The following R3HDM2 variants were observed in gnomAD, a reference collection of about 807,000 sequenced individuals.
The protein encoded by R3HDM2 is R3H domain containing 2.
In R3HDM2, 38 loss-of-function variants were observed where a neutral mutation model predicts 124.5. The ratio of observed to expected loss-of-function variants is 0.31; its 90% CI spans 0.24 to 0.40. The LOEUF (loss-of-function observed/expected upper bound fraction) is 0.40, where lower values mean the gene tolerates loss of function less well. Among genes scored for constraint, R3HDM2 ranks in the 10% least tolerant of loss-of-function variants. The pLI, the probability that R3HDM2 is intolerant of heterozygous loss-of-function variation, is 1.00. For synonymous variants in R3HDM2, 391 were observed against 448.0 expected (o/e 0.87, Z 1.61); for missense variants, 869 against 1,236.9 (o/e 0.70, Z 4.46).
chr12:57,388,130 A>G (rs1401263999), intron 2 of R3HDM2, among the ~76,000 whole-genome samples: 3 of 151,958 alleles, frequency 2.0e-5, no homozygotes, highest in African/African-American at 7.3e-5. Flanking sequence ...ATGCCTGGCT[A>G]ATTTTTGTAT....
chr12:57,282,485 G>C (rs1011474548), intron 13 of R3HDM2, among the ~76,000 whole-genome samples: 1 of 151,906 alleles, frequency 6.6e-6, no homozygotes, highest in Non-Finnish European at 1.5e-5. Context: ...GTTTTAGATT[G>C]GCAAACTGGC....
rs1197921529 is a variant in R3HDM2 at position 57,289,441 on chromosome 12, AAAC to A, written c.907-404_907-402del. ...AAGGGAAAAGGGAGACAAGAGAAAGAAACTTTGTTTTTGGAAATCATCCTCAAT... is the reference window on the plus strand; with the variant it reads ...AAGGGAAAAGGGAGACAAGAGAAAGATTTGTTTTTGGAAATCATCCTCAAT... On this transcript the variant is annotated intron_variant, in intron 11 of 23. Coordinates refer to ENST00000402412, the MANE Select transcript of R3HDM2 (RefSeq NM_001394031.1). Among the ~76,000 whole-genome samples, 7 of 152,364 alleles carry A rather than the reference AAAC, an allele frequency of 4.6e-5. No homozygotes were observed. In the South Asian group the frequency reaches 1.0e-3, roughly 23 times the overall value.
At chr12:57,360,684 G>A (rs1442445425) in intron 2 of R3HDM2, among the ~76,000 whole-genome samples, 1 of 151,360 alleles carries the variant, frequency 6.6e-6, no homozygotes, top group African/African-American at 2.4e-5. Context: ...AAAAGGAAAG[G>A]CGAAAGGAAA....
chr12:57,401,669 G>C (rs2068064262), intron 1 of R3HDM2, among the ~76,000 whole-genome samples: 1 of 152,224 alleles, frequency 6.6e-6, no homozygotes, highest in African/African-American at 2.4e-5. Flanking sequence ...ACTATGATGA[G>C]CTTGACAGTT....
chr12:57,372,988 C>T (rs773248801), intron 2 of R3HDM2, among the ~76,000 whole-genome samples: 6 of 152,198 alleles, frequency 3.9e-5, no homozygotes, highest in African/African-American at 9.7e-5. Flanking sequence ...GTGGGAGGAT[C>T]GCTTGAGGCC....
At chr12:57,297,266 C>A in intron 8 of R3HDM2, 62 bp downstream of exon 8, 1 of 907,040 alleles carries the variant, frequency 1.1e-6, no homozygotes, top group Middle Eastern at 2.2e-4. Flanking sequence ...TAAAATTGTA[C>A]CTAAATTTAT....
At chr12:57,261,284 G>A (rs1046374262) in intron 19 of R3HDM2, among the ~76,000 whole-genome samples, 5 of 152,080 alleles carry the variant, frequency 3.3e-5, no homozygotes, top group African/African-American at 1.2e-4. Context: ...TTTTCTAGAA[G>A]GTATTCAAAT....
chr12:57,422,521 C>T (rs2070314674), intron 1 of R3HDM2, among the ~76,000 whole-genome samples: 1 of 152,124 alleles, frequency 6.6e-6, no homozygotes, highest in Non-Finnish European at 1.5e-5. Flanking sequence ...TAGCTAACTC[C>T]CAGGTAGTTA....
chr12:57,303,526 T>C (rs1372419485), intron 3 of R3HDM2, among the ~76,000 whole-genome samples: 2 of 151,750 alleles, frequency 1.3e-5, no homozygotes, highest in East Asian at 3.9e-4. Flanking sequence ...GGCGGATCCC[T>C]TGAGCTCAGG....
At chr12:57,280,082 A>G (rs2045792116) in intron 14 of R3HDM2, among the ~76,000 whole-genome samples, 1 of 152,198 alleles carries the variant, frequency 6.6e-6, no homozygotes, top group Non-Finnish European at 1.5e-5. Context: ...TACAGTAGAA[A>G]TGTGGTATGA....
At chr12:57,358,482 C>CAA (rs1389860482) in intron 2 of R3HDM2, among the ~76,000 whole-genome samples, 28 of 151,570 alleles carry the variant, frequency 1.8e-4, no homozygotes, top group African/African-American at 6.5e-4. Flanking sequence ...ACCAAAAATA[C>CAA]AAAAAAATAA....
intron 2 of R3HDM2, among the ~76,000 whole-genome samples, chr12:57,369,130 C>T (rs910570761): frequency 1.3e-5 from 2 of 152,228 alleles, no homozygotes; most frequent in Admixed American, 1.3e-4. Flanking sequence ...CCATTTCCCA[C>T]TTCCAACCCC....
intron 1 of R3HDM2, among the ~76,000 whole-genome samples, chr12:57,396,167 C>T (rs939529234): frequency 3.3e-5 from 5 of 152,134 alleles, no homozygotes; most frequent in Non-Finnish European, 5.9e-5. Flanking sequence ...AGGCCGGGCG[C>T]GGTGGCTCAC....
At chr12:57,322,774 AC>A (rs1227584234) in intron 2 of R3HDM2, among the ~76,000 whole-genome samples, 8 of 152,278 alleles carry the variant, frequency 5.3e-5, no homozygotes, top group Admixed American at 2.6e-4. Context: ...TAGAATTCCA[AC>A]CTAGCTGTGT....
intron 1 of R3HDM2, among the ~76,000 whole-genome samples, chr12:57,400,111 T>G (rs1024698123): frequency 6.6e-6 from 1 of 152,214 alleles, no homozygotes; most frequent in Non-Finnish European, 1.5e-5. Flanking sequence ...TAAATCATGC[T>G]GCTATAAAGA....
intron 2 of R3HDM2, among the ~76,000 whole-genome samples, chr12:57,338,822 G>GGAGA (rs143852540): frequency 6.7e-6 from 1 of 149,332 alleles, no homozygotes; most frequent in Non-Finnish European, 1.5e-5. Flanking sequence ...TTTTTCAAAG[G>GGAGA]GAGAGAGAGA....
chr12:57,409,507 T>C (rs1043420227), intron 1 of R3HDM2, among the ~76,000 whole-genome samples: 8 of 104,504 alleles, frequency 7.7e-5, no homozygotes, highest in Non-Finnish European at 1.6e-4. Context: ...AGCTGAGAGG[T>C]GGGGCAAAAA....
intron 2 of R3HDM2, among the ~76,000 whole-genome samples, chr12:57,392,591 T>A (rs1006028776): frequency 7.9e-5 from 12 of 152,000 alleles, no homozygotes; most frequent in African/African-American, 2.7e-4. Flanking sequence ...ACAACAGAAT[T>A]CTCTCTCTTT....
intron 2 of R3HDM2, among the ~76,000 whole-genome samples, chr12:57,334,979 A>C (rs2058670825): frequency 6.7e-6 from 1 of 150,252 alleles, no homozygotes; most frequent in Non-Finnish European, 1.5e-5. Flanking sequence ...CTCTACCAAA[A>C]AAAAAAAAAA....
Sources: gnomAD v4.1 joint callset for allele counts (sites outside exome capture counted in the v4.1 genomes callset) on GRCh38, gnomAD v4.1.1 for gene constraint, MANE v1.5 for transcripts, NCBI Gene and HGNC (gene_info 2026-07-23, HGNC 2026-07-21) for gene names.